Variants in PAX2 observed in about 807,000 individuals in gnomAD.
The protein encoded by PAX2 is paired box 2.
Under a neutral mutation model 41.7 loss-of-function variants are expected in PAX2, and 9 were observed. That is an observed-to-expected ratio of 0.22 (90% CI 0.13 to 0.38). PAX2 has a LOEUF of 0.38. Ranked by LOEUF, PAX2 falls within the 10% of genes least tolerant of loss-of-function variation. The pLI is 1.00. For synonymous variants in PAX2, 221 were observed against 212.7 expected, an observed-to-expected ratio of 1.04 and a Z score of -0.34; for missense variants, 418 against 531.6, an observed-to-expected ratio of 0.79 and a Z score of 2.10.
intron 3 of PAX2, among the ~76,000 whole-genome samples, chr10:100,761,727 C>T (rs1845851009): frequency 6.6e-6 from 1 of 152,140 alleles, no homozygotes; most frequent in African/African-American, 2.4e-5. Flanking sequence ...GATGGGCTGG[C>T]CCCTCTGGCT....
At position 100,791,628 on chromosome 10, in the gene PAX2, G is replaced by T. The variant is rs55788966; in HGVS notation, c.616+10263G>T. Among the ~76,000 whole-genome samples, 8 of 152,176 alleles carry T rather than the reference G, an allele frequency of 5.3e-5. No individual in the cohort carries two copies. The South Asian group carries it at 6.2e-4, about 12-fold the overall frequency. The stretch of plus-strand genomic sequence containing the variant: ...GGAGAGCAAGCGAGCCAGTGACAGA[G>T]GGAGAGATGCGCGGACACACTCACA... On this transcript the variant is annotated intron_variant, in intron 5 of 9. Transcript: ENST00000355243. The surrounding 1 kb of genome is among the most constrained non-coding windows in gnomAD (Gnocchi z 4.5).
chr10:100,760,658 G>A (rs541982706), intron 3 of PAX2, among the ~76,000 whole-genome samples: 2 of 152,256 alleles, frequency 1.3e-5, no homozygotes, highest in South Asian at 4.2e-4. Context: ...AGAGACAAAG[G>A]TCAAGATAGT....
chr10:100,745,837 T>A lies in PAX2; in HGVS notation c.-424T>A. The A allele has an allele frequency of 9.4e-7, 1 of 1,059,086 alleles. No homozygotes were observed. The allele number at this position is 1,059,086 out of a possible 1,614,324, so 65.6% of individuals were successfully genotyped here. A position where few individuals can be genotyped will look rare whatever the true frequency, so the allele number is the denominator to read the frequency against. On this transcript the variant is annotated 5_prime_UTR_variant, in exon 1 of 10. Transcript: ENST00000355243. ...AGGCCCGGCTCCCCTCCCGGCGCCC[T>A]CTGACCGCCCCCGCCCCGCGCGCTC... is the stretch of plus-strand genomic sequence containing the variant.
upstream of PAX2, among the ~76,000 whole-genome samples, chr10:100,741,210 C>G (rs1301306796): frequency 2.0e-5 from 3 of 152,012 alleles, no homozygotes; most frequent in African/African-American, 7.3e-5. Flanking sequence ...AGTCAGGCCC[C>G]CCGGGCTTCA....
At chr10:100,742,315 C>CT (rs1367800572), upstream of PAX2, among the ~76,000 whole-genome samples, 1 of 150,832 alleles carries the variant, frequency 6.6e-6, no homozygotes, top group Non-Finnish European at 1.5e-5. Flanking sequence ...TCGCGCTTGG[C>CT]TTGGCTTGGG....
intron 3 of PAX2, among the ~76,000 whole-genome samples, chr10:100,765,935 A>G (rs1846010626): frequency 6.6e-6 from 1 of 152,024 alleles, no homozygotes. Context: ...CATCATCATC[A>G]TCATCATCAT....
intron 5 of PAX2, among the ~76,000 whole-genome samples, chr10:100,788,507 A>T (rs913763093): frequency 6.6e-6 from 1 of 152,180 alleles, no homozygotes; most frequent in African/African-American, 2.4e-5. Context: ...GCTGAGGCTG[A>T]TGGGGGAAGT....
chr10:100,804,300 A>C (rs936905733), intron 5 of PAX2, among the ~76,000 whole-genome samples: 1 of 152,058 alleles, frequency 6.6e-6, no homozygotes, highest in African/African-American at 2.4e-5. Context: ...ACACACAGAC[A>C]CAGTGAGCCA....
At chr10:100,773,994 G>T (rs1391752217) in intron 3 of PAX2, among the ~76,000 whole-genome samples, 1 of 152,150 alleles carries the variant, frequency 6.6e-6, no homozygotes, top group Non-Finnish European at 1.5e-5. Flanking sequence ...CAAGGAGACA[G>T]ACAGACAGAC....
chr10:100,827,676 C>T lies in PAX2; in HGVS notation c.*57C>T. The T allele has an allele frequency of 6.2e-7, 1 of 1,613,270 alleles. No homozygotes were observed. On this transcript the variant is annotated 3_prime_UTR_variant, in exon 10 of 10. Transcript: ENST00000355243. The surrounding 1 kb of genome is among the most constrained non-coding windows in gnomAD (Gnocchi z 8.5). ...GACAGCTTCGGCCTCCACATCGTCC[C>T]CGTCTGACCCCACCCCGGAGGGAGG...
chr10:100,784,266 G>A (rs1340605608), intron 5 of PAX2, among the ~76,000 whole-genome samples: 2 of 152,258 alleles, frequency 1.3e-5, no homozygotes, highest in African/African-American at 4.8e-5. Flanking sequence ...GCAGCCTCGG[G>A]CATGGGCTGC....
At chr10:100,738,069 C>T (rs1036911674) in intron 1 of PAX2, among the ~76,000 whole-genome samples, 1 of 152,218 alleles carries the variant, frequency 6.6e-6, no homozygotes, top group Non-Finnish European at 1.5e-5. Context: ...ACTGCTCTGT[C>T]CCAGCTGGCT....
At chr10:100,823,752 G>A (rs1363977752) in intron 7 of PAX2, among the ~76,000 whole-genome samples, 1 of 152,160 alleles carries the variant, frequency 6.6e-6, no homozygotes, top group Non-Finnish European at 1.5e-5. Flanking sequence ...TGCAAAGGGA[G>A]GTGGTGGCCC....
intron 1 of PAX2, chr10:100,747,596 GT>G (rs1845240758): frequency 2.0e-6 from 2 of 984,574 alleles, no homozygotes; most frequent in African/African-American, 3.5e-5. Flanking sequence ...TTGGACCTGT[GT>G]TTAGGACAAG....
At chr10:100,821,246 T>C (rs1381313982) in intron 7 of PAX2, among the ~76,000 whole-genome samples, 3 of 152,266 alleles carry the variant, frequency 2.0e-5, no homozygotes, top group African/African-American at 7.2e-5. Context: ...CAATTTTTTC[T>C]GCTCTTTAAG....
intron 5 of PAX2, among the ~76,000 whole-genome samples, chr10:100,796,656 C>T (rs781160926): frequency 1.8e-4 from 27 of 152,316 alleles, no homozygotes; most frequent in Non-Finnish European, 3.4e-4. Context: ...GAATCCCTGG[C>T]CATGTCTTTC....
rs1848603585 is a variant in PAX2, at chr10:100,827,185, C to T, written c.1108+90C>T. 1 of 1,058,050 alleles carries T rather than the reference C, an allele frequency of 9.5e-7. No individual in the cohort carries two copies. Among genetic ancestry groups the T allele is most frequent in the South Asian group, 1.3e-5 (1 of 78,070 alleles). 65.5% of individuals were successfully genotyped at this position (1,058,050 alleles called of 1,614,324 possible). ...CTCCCGGCGACCCGACCTCTGGGGACCCGGCCGGGCCAGGGGGACAGGCTT... is the reference window on the plus strand; with the variant it reads ...CTCCCGGCGACCCGACCTCTGGGGATCCGGCCGGGCCAGGGGGACAGGCTT... On this transcript the variant is annotated intron_variant, in intron 9 of 9. Coordinates refer to ENST00000355243, the MANE Select transcript of PAX2 (RefSeq NM_000278.5). The surrounding 1 kb of genome is among the most constrained non-coding windows in gnomAD (Gnocchi z 8.5).
intron 7 of PAX2, among the ~76,000 whole-genome samples, chr10:100,813,345 T>A (rs956404648): frequency 6.6e-6 from 1 of 152,166 alleles, no homozygotes; most frequent in African/African-American, 2.4e-5. Flanking sequence ...CACCAAAACA[T>A]AACTGAATAA....
In PAX2 at chr10:100,827,688, A is replaced by G; in HGVS notation, c.*69A>G. On this transcript the variant is annotated 3_prime_UTR_variant, in exon 10 of 10. Coordinates refer to ENST00000355243, the MANE Select transcript of PAX2 (RefSeq NM_000278.5). The surrounding 1 kb of genome is among the most constrained non-coding windows in gnomAD (Gnocchi z 8.5). ...CTCCACATCGTCCCCGTCTGACCCCACCCCGGAGGGAGGGAGGACCGACGC... is the reference window on the plus strand; with the variant it reads ...CTCCACATCGTCCCCGTCTGACCCCGCCCCGGAGGGAGGGAGGACCGACGC... 10 of 1,610,860 alleles carry G rather than the reference A, an allele frequency of 6.2e-6. No homozygotes were observed. Among genetic ancestry groups the G allele is most frequent in the Non-Finnish European group, 8.5e-6 (10 of 1,178,932 alleles).
Sources: gnomAD v4.1 joint callset for allele counts (sites outside exome capture counted in the v4.1 genomes callset) on GRCh38, gnomAD v4.1.1 for gene constraint, Gnocchi (gnomAD v3.1) non-coding constraint, MANE v1.5 for transcripts, NCBI Gene and HGNC (gene_info 2026-07-23, HGNC 2026-07-21) for gene names.